The following PLEKHA5 variants were observed in gnomAD, a reference collection of about 807,000 sequenced individuals.
The protein encoded by PLEKHA5 is pleckstrin homology domain containing A5, also known as pleckstrin homology domain-containing family A member 5.
Under a neutral mutation model 181.9 loss-of-function variants are expected in PLEKHA5, and 55 were observed. The observed-to-expected ratio is 0.30, with a 90% CI of 0.24 to 0.38. The LOEUF (loss-of-function observed/expected upper bound fraction) is 0.38. Ranked by LOEUF, PLEKHA5 falls within the 10% of genes least tolerant of loss-of-function variation. The pLI, the probability that PLEKHA5 is intolerant of heterozygous loss-of-function variation, is 1.00. For missense variants in PLEKHA5, 1,432 were observed against 1,549.5 expected (o/e 0.92, Z 1.27); for synonymous variants, 535 against 529.4 (o/e 1.01, Z -0.15).
At chr12:19,261,334 G>A (rs533354733) in intron 7 of PLEKHA5, among the ~76,000 whole-genome samples, 19 of 152,062 alleles carry the variant, frequency 1.2e-4, no homozygotes, top group African/African-American at 4.6e-4. Flanking sequence ...TCACATGTCA[G>A]TTTTGTCAGA....
intron 3 of PLEKHA5, among the ~76,000 whole-genome samples, chr12:19,211,344 C>G (rs2056853935): frequency 6.6e-6 from 1 of 152,104 alleles, no homozygotes; most frequent in South Asian, 2.1e-4. Flanking sequence ...ATGAGGTTTT[C>G]CTTGATCTTG....
At chr12:19,349,505 A>G (rs1409735518) in intron 25 of PLEKHA5, among the ~76,000 whole-genome samples, 1 of 152,134 alleles carries the variant, frequency 6.6e-6, no homozygotes, top group Non-Finnish European at 1.5e-5. Context: ...AGTAAATTCT[A>G]AAATAATATT....
chr12:19,145,566 G>A (rs2038715146), intron 3 of PLEKHA5, among the ~76,000 whole-genome samples: 1 of 151,920 alleles, frequency 6.6e-6, no homozygotes, highest in South Asian at 2.1e-4. Context: ...AAATATCTTA[G>A]GTCTTTTCAT....
intron 15 of PLEKHA5, among the ~76,000 whole-genome samples, chr12:19,293,377 A>G (rs923213508): frequency 2.6e-5 from 4 of 152,168 alleles, no homozygotes; most frequent in Non-Finnish European, 5.9e-5. Flanking sequence ...GGCCATTGGA[A>G]TACTTTAAAA....
At position 19,376,086 on chromosome 12, in the gene PLEKHA5, T is replaced by C. The variant is rs1019975978; in HGVS notation, c.*567T>C. 10 of 152,290 alleles carry C rather than the reference T, an allele frequency of 6.6e-5. No homozygotes were observed. The highest frequency in any genetic ancestry group is 1.0e-4 in the Non-Finnish European group (7 of 67,986). The allele number at this position is 152,290 out of a possible 1,614,324, so 9.4% of individuals were successfully genotyped here. ...TAATTCTTTCTCGGTCAGATTGCAA[T>C]GTCAGCAGTTACTGCCACACTCCTG... On this transcript the variant is annotated 3_prime_UTR_variant, in exon 32 of 32. Transcript: ENST00000429027.
chr12:19,306,088 A>AG (rs1280068500), intron 15 of PLEKHA5, among the ~76,000 whole-genome samples: 2 of 152,146 alleles, frequency 1.3e-5, no homozygotes, highest in Non-Finnish European at 2.9e-5. Context: ...TAAAAAAAAA[A>AG]CAAGTTATTC....
intron 3 of PLEKHA5, among the ~76,000 whole-genome samples, chr12:19,181,769 G>T (rs1416066624): frequency 6.6e-6 from 1 of 152,112 alleles, no homozygotes; most frequent in East Asian, 1.9e-4. Flanking sequence ...AACAGAGTGA[G>T]ACTCTGACTC....
intron 15 of PLEKHA5, chr12:19,307,333 A>G (rs2084308366): frequency 3.1e-6 from 1 of 320,126 alleles, no homozygotes; most frequent in Non-Finnish European, 5.9e-6. Context: ...TTAGCCGGGC[A>G]TGGTGGCGCA....
intron 3 of PLEKHA5, among the ~76,000 whole-genome samples, chr12:19,210,574 C>T (rs1208528587): frequency 6.6e-6 from 1 of 152,132 alleles, no homozygotes; most frequent in Non-Finnish European, 1.5e-5. Flanking sequence ...ATTTTTTATG[C>T]ATAATTTTTT....
chr12:19,135,905 G>C (rs1226233752), intron 3 of PLEKHA5, among the ~76,000 whole-genome samples: 6 of 149,202 alleles, frequency 4.0e-5, no homozygotes, highest in East Asian at 1.9e-4. Context: ...TTTTGAGGGG[G>C]GTTTCACTGT....
chr12:19,332,893 C>A (rs1334024884), intron 20 of PLEKHA5, among the ~76,000 whole-genome samples: 2 of 152,126 alleles, frequency 1.3e-5, no homozygotes, highest in East Asian at 3.9e-4. Flanking sequence ...TGGGCTCAAG[C>A]GATCCGTCCA....
intron 3 of PLEKHA5, among the ~76,000 whole-genome samples, chr12:19,160,343 C>T (rs998254599): frequency 6.6e-6 from 1 of 152,030 alleles, no homozygotes; most frequent in Non-Finnish European, 1.5e-5. Context: ...TCATAAATTA[C>T]TCCTTTCATT....
At chr12:19,245,161 T>C (rs1465105722) in intron 3 of PLEKHA5, among the ~76,000 whole-genome samples, 1 of 152,254 alleles carries the variant, frequency 6.6e-6, no homozygotes, top group Non-Finnish European at 1.5e-5. Flanking sequence ...ACCATTTTCC[T>C]CTTTTACCAT....
At chr12:19,335,508 C>G (rs1469479375) in intron 20 of PLEKHA5, among the ~76,000 whole-genome samples, 1 of 150,088 alleles carries the variant, frequency 6.7e-6, no homozygotes, top group Non-Finnish European at 1.5e-5. Flanking sequence ...CTCCGCCTCC[C>G]AGGTTCAAGC....
At chr12:19,345,674 A>G (rs1261058447) in intron 22 of PLEKHA5, among the ~76,000 whole-genome samples, 168 bp from the exon 23 acceptor site, 1 of 152,046 alleles carries the variant, frequency 6.6e-6, no homozygotes, top group East Asian at 1.9e-4. Flanking sequence ...GAGGCACAAG[A>G]ATTGCTTGAA....
chr12:19,257,412 T>G (rs1429446982), intron 5 of PLEKHA5, 21 bp from the exon 6 acceptor site: 1 of 1,215,754 alleles, frequency 8.2e-7, no homozygotes, highest in African/African-American at 1.5e-5. Context: ...ACATTTTCTG[T>G]CATGCTCTTT....
chr12:19,317,601 G>C (rs902104316), intron 16 of PLEKHA5, among the ~76,000 whole-genome samples: 2 of 151,448 alleles, frequency 1.3e-5, no homozygotes, highest in East Asian at 3.9e-4. Context: ...TGGAGTTTAT[G>C]TATCATGTTC....
intron 3 of PLEKHA5, among the ~76,000 whole-genome samples, chr12:19,164,641 G>T (rs1187353090): frequency 1.3e-5 from 2 of 152,078 alleles, no homozygotes; most frequent in African/African-American, 4.8e-5. Flanking sequence ...GAACATCTCT[G>T]TGCTTCTCTG....
intron 31 of PLEKHA5, chr12:19,373,056 T>C (rs2961367): frequency 0.92 from 140,684 of 152,282 alleles, 65,114 homozygotes; most frequent in Non-Finnish European, 0.95. Context: ...GATTGAGCCA[T>C]CACGCCTGGC....
Sources: allele counts gnomAD v4.1 joint callset (sites outside exome capture counted in the v4.1 genomes callset), GRCh38; gene constraint gnomAD v4.1.1; transcripts MANE v1.5; gene names NCBI Gene and HGNC (gene_info 2026-07-23, HGNC 2026-07-21).